Variants in ORC5 observed in about 807,000 individuals in gnomAD.
ORC5 encodes the protein origin recognition complex subunit 5, also known as protein phosphatase 1, regulatory subunit 117.
A neutral mutation model predicts 58.8 loss-of-function variants in ORC5; 39 were observed. The observed-to-expected ratio is 0.66, with a 90% confidence interval of 0.51 to 0.87. The LOEUF (loss-of-function observed/expected upper bound fraction) is 0.87. ORC5 is among the 40% of genes least tolerant of loss of function. The pLI, the probability that ORC5 is intolerant of heterozygous loss-of-function variation, is 0.00. For missense variants in ORC5, 493 were observed against 506.3 expected (o/e 0.97, Z 0.25); for synonymous variants, 218 against 177.6 (o/e 1.23, Z -1.81).
rs543975050 is a variant in ORC5 at position 104,150,803 on chromosome 7, G to T, written c.1149+10269C>A. Reference sequence around the variant, plus strand: ...AGAGATACAAAAATGAACAGACAACGTCTATGCCCTCAAACATCAGGGTAG... The same window carrying T: ...AGAGATACAAAAATGAACAGACAACTTCTATGCCCTCAAACATCAGGGTAG... On this transcript the variant is annotated intron_variant, in intron 12 of 13. Transcript: ENST00000297431. 2.2e-4 allele frequency among the ~76,000 whole-genome samples: 33 copies of T among 152,222 alleles called. No homozygotes were observed. In the South Asian group the frequency reaches 3.3e-3, roughly 15 times the overall value.
chr7:104,190,418 C>T (rs10235201), intron 5 of ORC5, among the ~76,000 whole-genome samples: 8,610 of 152,122 alleles, frequency 0.057, 808 homozygotes, highest in African/African-American at 0.2. Context: ...CTAGTCCTTA[C>T]TTTGTTATTC....
intron 8 of ORC5, among the ~76,000 whole-genome samples, chr7:104,176,244 A>T (rs1799318964): frequency 6.6e-6 from 1 of 152,212 alleles, no homozygotes; most frequent in Non-Finnish European, 1.5e-5. Flanking sequence ...GATTGGCTTC[A>T]ATAATAATGA....
intron 8 of ORC5, among the ~76,000 whole-genome samples, chr7:104,173,884 G>T (rs12705184): frequency 0.36 from 47,720 of 131,738 alleles, 9,923 homozygotes; most frequent in Non-Finnish European, 0.49. Context: ...TCGCTCTGTC[G>T]CCCAGGCTGG....
At chr7:104,137,856 C>T (rs1194794878) in intron 12 of ORC5, among the ~76,000 whole-genome samples, 4 of 152,178 alleles carry the variant, frequency 2.6e-5, no homozygotes, top group African/African-American at 7.2e-5. Context: ...CACATTTGAT[C>T]GGATTTTTCG....
rs778258827 is a variant in ORC5, at chr7:104,166,820, G to A, written c.942C>T (p.Tyr314=). Residue 314 remains tyrosine (Y), a synonymous_variant, in exon 10 of 14, where the codon TAC becomes TAT. Coordinates refer to ENST00000297431, the MANE Select transcript of ORC5 (RefSeq NM_002553.4). ...YYSKFILIAA[Y]LASYNPARTD... ...TTCTTGCTGGATTGTATGAAGCAAG[G>A]TATGCAGCAATTAGAATGAACTTAG... 1.2e-6 allele frequency: 2 copies of A among 1,612,582 alleles called. No homozygotes were observed. Among genetic ancestry groups the A allele is most frequent in the South Asian group, 2.2e-5 (2 of 90,998 alleles).
At chr7:104,160,787 T>C (rs984005534) in intron 12 of ORC5, among the ~76,000 whole-genome samples, 2 of 152,156 alleles carry the variant, frequency 1.3e-5, no homozygotes, top group Non-Finnish European at 2.9e-5. Context: ...ACTTGTTTAA[T>C]TAGCAAGATA....
At chr7:104,174,595 G>A (rs1223412510) in intron 8 of ORC5, among the ~76,000 whole-genome samples, 1 of 152,152 alleles carries the variant, frequency 6.6e-6, no homozygotes, top group Non-Finnish European at 1.5e-5. Flanking sequence ...GGCGACCCTA[G>A]GGTGATGGGC....
intron 12 of ORC5, among the ~76,000 whole-genome samples, chr7:104,155,314 G>A (rs2115827336): frequency 6.6e-6 from 1 of 151,540 alleles, no homozygotes; most frequent in South Asian, 2.1e-4. Context: ...AAATAAATTT[G>A]CAAAAACACT....
At chr7:104,175,571 A>C (rs569596183) in intron 8 of ORC5, among the ~76,000 whole-genome samples, 1 of 152,350 alleles carries the variant, frequency 6.6e-6, no homozygotes, top group South Asian at 2.1e-4. Flanking sequence ...TGGAACAGTT[A>C]ATTTAAGAGT....
At chr7:104,143,300 ACT>A (rs1313185762) in intron 12 of ORC5, among the ~76,000 whole-genome samples, 14 of 152,306 alleles carry the variant, frequency 9.2e-5, no homozygotes, top group African/African-American at 2.6e-4. Flanking sequence ...ATGCTAAATT[ACT>A]TTTTCCACAA....
chr7:104,162,487 T>C (rs535798568), intron 11 of ORC5, among the ~76,000 whole-genome samples: 63 of 152,322 alleles, frequency 4.1e-4, no homozygotes, highest in Non-Finnish European at 8.4e-4. Context: ...ATATTAGCAA[T>C]GGCAAATAAA....
chr7:104,185,007 T>C (rs1261319466), intron 6 of ORC5, among the ~76,000 whole-genome samples: 2 of 152,010 alleles, frequency 1.3e-5, no homozygotes, highest in Non-Finnish European at 2.9e-5. Flanking sequence ...CAGGATGTCA[T>C]AAAAATTTGA....
chr7:104,127,417 T>C (rs1798446432), intron 13 of ORC5, among the ~76,000 whole-genome samples: 4 of 152,190 alleles, frequency 2.6e-5, no homozygotes. Context: ...TCCAAGAATA[T>C]GATACAACAA....
chr7:104,158,616 A>C (rs917223043), intron 12 of ORC5, among the ~76,000 whole-genome samples: 1 of 152,076 alleles, frequency 6.6e-6, no homozygotes, highest in African/African-American at 2.4e-5. Flanking sequence ...CAATGAACTC[A>C]AACAAATTTA....
chr7:104,171,439 T>C (rs1799209314), intron 8 of ORC5, among the ~76,000 whole-genome samples: 1 of 152,148 alleles, frequency 6.6e-6, no homozygotes, highest in African/African-American at 2.4e-5. Flanking sequence ...TCTGGAAAAA[T>C]AATGAAGTCA....
At chr7:104,207,778 C>T in intron 1 of ORC5, 55 bp downstream of exon 1, 1 of 1,536,884 alleles carries the variant, frequency 6.5e-7, no homozygotes, top group Non-Finnish European at 9.0e-7. Context: ...GAACAGGTCG[C>T]AAGACTACCG....
intron 13 of ORC5, among the ~76,000 whole-genome samples, chr7:104,131,064 T>C (rs147097429): frequency 1.3e-3 from 195 of 152,286 alleles, no homozygotes; most frequent in African/African-American, 4.3e-3. Context: ...GTCTCACAGA[T>C]TGGTGCCATT....
At chr7:104,157,225 T>C (rs938340002) in intron 12 of ORC5, among the ~76,000 whole-genome samples, 3 of 151,936 alleles carry the variant, frequency 2.0e-5, no homozygotes, top group Non-Finnish European at 4.4e-5. Flanking sequence ...TGGAACACAA[T>C]ATATATGTTA....
At chr7:104,164,216 G>T (rs371700574) in intron 11 of ORC5, among the ~76,000 whole-genome samples, 1 of 152,038 alleles carries the variant, frequency 6.6e-6, no homozygotes, top group Non-Finnish European at 1.5e-5. Context: ...GACCAGCCTC[G>T]AACTCCTGGG....
Sources: allele counts gnomAD v4.1 joint callset (sites outside exome capture counted in the v4.1 genomes callset), GRCh38; gene constraint gnomAD v4.1.1; transcripts MANE v1.5; gene names NCBI Gene and HGNC (gene_info 2026-07-23, HGNC 2026-07-21).